The following LRRC4C variants were observed in gnomAD, a reference collection of about 807,000 sequenced individuals.
LRRC4C encodes leucine-rich repeat-containing protein 4C.
Under a neutral mutation model 33.6 loss-of-function variants are expected in LRRC4C, and 5 were observed. The observed-to-expected ratio is 0.15, with a 90% CI of 0.08 to 0.31. LRRC4C has a LOEUF of 0.31. LRRC4C is among the 10% of genes least tolerant of loss of function. LRRC4C has a pLI of 1.00. For synonymous variants in LRRC4C, 329 were observed against 302.0 expected (o/e 1.09, Z -0.93); for missense variants, 560 against 796.7 (o/e 0.70, Z 3.58).
intron 3 of LRRC4C, among the ~76,000 whole-genome samples, chr11:40,530,296 C>A (rs1348001): frequency 0.34 from 51,042 of 151,880 alleles, 10,338 homozygotes; most frequent in East Asian, 0.65. Flanking sequence ...CAAATTTTTA[C>A]CTCTGATACA....
intron 5 of LRRC4C, among the ~76,000 whole-genome samples, chr11:40,198,250 T>G (rs567597590): frequency 6.6e-6 from 1 of 152,316 alleles, no homozygotes; most frequent in South Asian, 2.1e-4. Flanking sequence ...CACACACCCA[T>G]GTACTACAAC....
At chr11:41,097,877 A>G (rs1398737294) in intron 1 of LRRC4C, among the ~76,000 whole-genome samples, 1 of 152,060 alleles carries the variant, frequency 6.6e-6, no homozygotes, top group African/African-American at 2.4e-5. Flanking sequence ...ATTGGTGGCT[A>G]TCTGAAGTTT....
At chr11:40,741,771 A>C (rs1404402681) in intron 2 of LRRC4C, among the ~76,000 whole-genome samples, 1 of 152,052 alleles carries the variant, frequency 6.6e-6, no homozygotes, top group East Asian at 1.9e-4. Context: ...ATTTAATCAC[A>C]ATTTAGAATG....
At chr11:41,431,749 T>C (rs962876822) in intron 1 of LRRC4C, among the ~76,000 whole-genome samples, 2 of 152,072 alleles carry the variant, frequency 1.3e-5, no homozygotes, top group African/African-American at 4.8e-5. Context: ...TTAAGACACA[T>C]AAACACATGC....
intron 5 of LRRC4C, among the ~76,000 whole-genome samples, chr11:40,219,529 T>G (rs1343025394): frequency 6.6e-6 from 1 of 152,174 alleles, no homozygotes; most frequent in African/African-American, 2.4e-5. Context: ...GTAAATTGAT[T>G]GAAACATAAC....
intron 1 of LRRC4C, among the ~76,000 whole-genome samples, chr11:41,267,948 C>A (rs1226229617): frequency 2.0e-5 from 3 of 152,064 alleles, no homozygotes; most frequent in South Asian, 4.1e-4. Context: ...TTTCTTAAAA[C>A]ACTTTGAGTA....
intron 3 of LRRC4C, among the ~76,000 whole-genome samples, chr11:40,533,558 T>G (rs899485986): frequency 2.0e-5 from 3 of 152,174 alleles, no homozygotes; most frequent in African/African-American, 7.2e-5. Flanking sequence ...TTTCTTACTC[T>G]CTGTGCTGCC....
chr11:40,884,580 C>G (rs1955344986), intron 2 of LRRC4C, among the ~76,000 whole-genome samples: 1 of 151,990 alleles, frequency 6.6e-6, no homozygotes, highest in Admixed American at 6.6e-5. Context: ...ATAGAAGGAA[C>G]TGTTCTAAAG....
At chr11:41,427,324 A>G (rs530526125) in intron 1 of LRRC4C, among the ~76,000 whole-genome samples, 5 of 152,288 alleles carry the variant, frequency 3.3e-5, no homozygotes, top group Admixed American at 2.6e-4. Context: ...CTTTTAGGAC[A>G]TGGAGATACA....
chr11:40,884,646 T>C (rs1052474908), intron 2 of LRRC4C, among the ~76,000 whole-genome samples: 1 of 152,136 alleles, frequency 6.6e-6, no homozygotes, highest in African/African-American at 2.4e-5. Flanking sequence ...TATTTCTATA[T>C]CACTGGACAT....
At chr11:40,913,673 CA>C (rs1183408212) in intron 2 of LRRC4C, among the ~76,000 whole-genome samples, 2 of 151,958 alleles carry the variant, frequency 1.3e-5, no homozygotes, top group Non-Finnish European at 2.9e-5. Flanking sequence ...CAAAAGCTAG[CA>C]AAAGGCAAGA....
chr11:41,020,263 T>A (rs1855870260), intron 1 of LRRC4C, among the ~76,000 whole-genome samples: 1 of 152,166 alleles, frequency 6.6e-6, no homozygotes, highest in Non-Finnish European at 1.5e-5. Flanking sequence ...ACAATAATTT[T>A]CTCATGAGGA....
chr11:41,347,183 ACT>A (rs1277910841), intron 1 of LRRC4C, among the ~76,000 whole-genome samples: 2 of 152,104 alleles, frequency 1.3e-5, no homozygotes, highest in African/African-American at 4.8e-5. Flanking sequence ...ATCAGAGGAA[ACT>A]CTCTGGCTGA....
At chr11:40,607,456 G>A (rs984641041) in intron 3 of LRRC4C, among the ~76,000 whole-genome samples, 1 of 152,156 alleles carries the variant, frequency 6.6e-6, no homozygotes, top group Non-Finnish European at 1.5e-5. Context: ...TGGACATCAA[G>A]AGGAACATAT....
chr11:41,346,170 A>G (rs1951798154), intron 1 of LRRC4C, among the ~76,000 whole-genome samples: 1 of 152,146 alleles, frequency 6.6e-6, no homozygotes, highest in African/African-American at 2.4e-5. Context: ...CCAAGCACCA[A>G]AACAAAGCAC....
chr11:41,358,536 C>T (rs1666183981), intron 1 of LRRC4C, among the ~76,000 whole-genome samples: 1 of 152,098 alleles, frequency 6.6e-6, no homozygotes, highest in Non-Finnish European at 1.5e-5. Flanking sequence ...TTTCAAAGAA[C>T]TCAACAAGAA....
intron 1 of LRRC4C, among the ~76,000 whole-genome samples, chr11:41,138,848 C>T (rs1299708896): frequency 6.6e-6 from 1 of 152,034 alleles, no homozygotes; most frequent in Non-Finnish European, 1.5e-5. Context: ...ATACTATTTC[C>T]CAAGGGAGAA....
intron 1 of LRRC4C, among the ~76,000 whole-genome samples, chr11:40,980,663 C>A (rs1158855484): frequency 6.6e-6 from 1 of 152,112 alleles, no homozygotes; most frequent in Non-Finnish European, 1.5e-5. Flanking sequence ...TGGTTAGTTC[C>A]CCAACTGTAA....
At chr11:41,159,970 A>G (rs1944394716) in intron 1 of LRRC4C, among the ~76,000 whole-genome samples, 1 of 152,120 alleles carries the variant, frequency 6.6e-6, no homozygotes, top group Non-Finnish European at 1.5e-5. Context: ...TTAACAAAAA[A>G]AGAAAACTCC....
Sources: gnomAD v4.1 joint callset for allele counts (sites outside exome capture counted in the v4.1 genomes callset) on GRCh38, gnomAD v4.1.1 for gene constraint, MANE v1.5 for transcripts, NCBI Gene and HGNC (gene_info 2026-07-23, HGNC 2026-07-21) for gene names.